Variants in ADH5 observed in about 807,000 individuals in gnomAD.
The protein encoded by ADH5 is alcohol dehydrogenase class-3.
A neutral mutation model predicts 40.3 loss-of-function variants in ADH5; 32 were observed. The ratio of observed to expected loss-of-function variants is 0.79; its 90% confidence interval spans 0.60 to 1.07. The LOEUF is 1.07. Ranked by LOEUF, ADH5 falls within the 50% of genes least tolerant of loss-of-function variation. The pLI, the probability that ADH5 is intolerant of heterozygous loss-of-function variation, is 0.00. For synonymous variants in ADH5, 125 were observed against 154.3 expected, an observed-to-expected ratio of 0.81 and a Z score of 1.41; for missense variants, 353 against 460.5, an observed-to-expected ratio of 0.77 and a Z score of 2.14.
rs533748582 is a variant in ADH5, at chr4:99,081,976, C to T, written c.255G>A (p.Ala85=). 36 of 1,613,532 alleles carry T rather than the reference C, an allele frequency of 2.2e-5. No homozygotes were observed. In the African/African-American group the frequency reaches 2.5e-4, roughly 11 times the overall value. The change falls in exon 3 of 9, where the codon GCG becomes GCA. Residue 85 remains alanine (A), a splice_region_variant and synonymous_variant. Transcript: ENST00000296412. ...AAGTGGTTCAAGTATTCTCCTTACC[C>T]GCCTTCAGCTTAGTAACTCCCTCAC... ...SVGEGVTKLK[A]GDTVIPLYIP...
At chr4:99,078,816 T>C (rs906528175) in intron 4 of ADH5, among the ~76,000 whole-genome samples, 2 of 152,202 alleles carry the variant, frequency 1.3e-5, no homozygotes, top group African/African-American at 4.8e-5. Context: ...GTGGAATACA[T>C]TTTATGCTTT....
Position 99,088,696 on chromosome 4 carries a change from G to A in ADH5, c.5C>T (p.Ala2Val), listed in dbSNP as rs760941592. 5.0e-6 allele frequency: 8 copies of A among 1,604,652 alleles called. No individual in the cohort carries two copies. Among genetic ancestry groups the A allele is most frequent in the East Asian group, 2.3e-5 (1 of 44,272 alleles). Reference sequence around the variant, plus strand: ...CCGCTCAACGGGCCCTACCTCGTTCGCCATGTTCACGGATTCTGGTCGGCG... The same window carrying A: ...CCGCTCAACGGGCCCTACCTCGTTCACCATGTTCACGGATTCTGGTCGGCG... M[A>V]NEVIKCKAAV... Residue 2 changes from alanine to valine, a missense_variant, in exon 1 of 9, where the codon GCG becomes GTG. Ala to Val is a moderately conservative substitution (Grantham distance 64, BLOSUM62 0). Transcript: ENST00000296412.
At chr4:99,076,981 A>G in intron 4 of ADH5, 58 bp from the exon 5 acceptor site, 1 of 1,231,472 alleles carries the variant, frequency 8.1e-7, no homozygotes, top group Non-Finnish European at 1.1e-6. Flanking sequence ...AACCCACAGG[A>G]AAAAGAAATG....
chr4:99,087,793 G>C (rs903633318), intron 1 of ADH5, among the ~76,000 whole-genome samples: 1 of 152,130 alleles, frequency 6.6e-6, no homozygotes, highest in Non-Finnish European at 1.5e-5. Flanking sequence ...TCTGAATAAA[G>C]ACACTCAGTA....
At chr4:99,083,395 T>C (rs1325499566) in intron 2 of ADH5, among the ~76,000 whole-genome samples, 1 of 151,904 alleles carries the variant, frequency 6.6e-6, no homozygotes, top group African/African-American at 2.4e-5. Context: ...AGGTCAGTAG[T>C]TGGAGATCAG....
rs538127712 is a variant in ADH5, at chr4:99,088,763, C to G, written c.-63G>C. ...GGGGTGGGCCGCGCAGCGACGGAGG[C>G]ATGGGCGTGGCGAGCGCCTAGCGAG... On this transcript the variant is annotated 5_prime_UTR_variant, in exon 1 of 9. The change abolishes an upstream ATG in the 5' untranslated region. Transcript: ENST00000296412. 6 of 1,146,008 alleles carry G rather than the reference C, an allele frequency of 5.2e-6. No homozygotes were observed. The highest frequency in any genetic ancestry group is 6.9e-6 in the Non-Finnish European group (6 of 866,856). 71.0% of individuals were successfully genotyped at this position (1,146,008 alleles called of 1,614,324 possible).
At chr4:99,078,080 CTTT>C (rs925104810) in intron 4 of ADH5, among the ~76,000 whole-genome samples, 20 of 152,140 alleles carry the variant, frequency 1.3e-4, no homozygotes, top group African/African-American at 4.8e-4. Flanking sequence ...ACTATAATTG[CTTT>C]TTTTGAGACA....
rs549731085 is a variant in ADH5 at position 99,086,349 on chromosome 4, G to A, written c.13-1133C>T. ...ACCCTCCATTACAAGAGAATCACAC[G>A]TAATGAGAAAGGTTCTAATTAGTTT... On this transcript the variant is annotated intron_variant, in intron 1 of 8. Transcript: ENST00000296412. Among the ~76,000 whole-genome samples the A allele has an allele frequency of 1.8e-4, 27 of 152,230 alleles. 1 individual carries two copies. Among genetic ancestry groups the A allele is most frequent in the Admixed American group, 1.6e-3 (24 of 15,286 alleles).
chr4:99,087,756 T>C (rs932402677), intron 1 of ADH5, among the ~76,000 whole-genome samples: 8 of 152,182 alleles, frequency 5.3e-5, no homozygotes, highest in Non-Finnish European at 8.8e-5. Context: ...ATTTGAACTA[T>C]AGTAACAATT....
chr4:99,078,289 GAATA>G (rs992144822), intron 4 of ADH5, among the ~76,000 whole-genome samples: 3 of 152,254 alleles, frequency 2.0e-5, no homozygotes, highest in South Asian at 2.1e-4. Flanking sequence ...ACATACATAT[GAATA>G]AATATACAGA....
At chr4:99,088,643 G>A (rs762060028) in intron 1 of ADH5, 46 bp downstream of exon 1, 55 of 1,584,046 alleles carry the variant, frequency 3.5e-5, no homozygotes, top group Non-Finnish European at 4.6e-5. Context: ...CCCATGCCAT[G>A]CACTCCCTCC....
intron 7 of ADH5, 87 bp downstream of exon 7, chr4:99,074,827 T>C: frequency 7.0e-7 from 1 of 1,421,504 alleles, no homozygotes; most frequent in Non-Finnish European, 9.4e-7. Context: ...TTCTTGTTAA[T>C]ATAAAAAAAA....
chr4:99,088,750 G>T lies in ADH5; in HGVS notation c.-50C>A. 3 of 1,568,630 alleles carry T rather than the reference G, an allele frequency of 1.9e-6. No homozygotes were observed. Among genetic ancestry groups the T allele is most frequent in the Non-Finnish European group, 2.6e-6 (3 of 1,156,656 alleles). On this transcript the variant is annotated 5_prime_UTR_variant, in exon 1 of 9. Coordinates refer to ENST00000296412, the MANE Select transcript of ADH5 (RefSeq NM_000671.4). The stretch of plus-strand genomic sequence containing the variant: ...GGGGCTGACATCCGGGGTGGGCCGC[G>T]CAGCGACGGAGGCATGGGCGTGGCG...
At chr4:99,082,999 A>G (rs574793223) in intron 2 of ADH5, among the ~76,000 whole-genome samples, 1 of 152,286 alleles carries the variant, frequency 6.6e-6, no homozygotes, top group South Asian at 2.1e-4. Flanking sequence ...TAAAGCCACC[A>G]AAAGCACAGA....
At chr4:99,085,538 G>T in intron 1 of ADH5, 1 of 310,314 alleles carries the variant, frequency 3.2e-6, no homozygotes, top group East Asian at 8.1e-5. Context: ...GATTCAGCAG[G>T]TCTGGCATGG....
At chr4:99,073,042 G>C (rs1345585354) in intron 7 of ADH5, among the ~76,000 whole-genome samples, 1 of 152,162 alleles carries the variant, frequency 6.6e-6, no homozygotes, top group Non-Finnish European at 1.5e-5. Context: ...CTATAATCAT[G>C]ATATTCAAGG....
intron 4 of ADH5, chr4:99,080,043 A>C (rs776063468): frequency 2.2e-6 from 1 of 451,674 alleles, no homozygotes; most frequent in Non-Finnish European, 4.4e-6. Flanking sequence ...AGTTACTATT[A>C]ATACAATGGT....
intron 2 of ADH5, among the ~76,000 whole-genome samples, chr4:99,082,470 A>C (rs764596644): frequency 2.6e-5 from 4 of 152,216 alleles, no homozygotes; most frequent in Non-Finnish European, 5.9e-5. Flanking sequence ...TGTGCAAAAC[A>C]GGTGGAATCC....
intron 2 of ADH5, among the ~76,000 whole-genome samples, chr4:99,083,041 C>T (rs1341425263): frequency 1.3e-5 from 2 of 152,136 alleles, no homozygotes; most frequent in Admixed American, 6.6e-5. Context: ...TCTATTTATG[C>T]GTCTCTGCTC....
Sources: allele counts gnomAD v4.1 joint callset (sites outside exome capture counted in the v4.1 genomes callset), GRCh38; gene constraint gnomAD v4.1.1; transcripts MANE v1.5; gene names NCBI Gene and HGNC (gene_info 2026-07-23, HGNC 2026-07-21).